ULK4: variants seen among roughly 807,000 people sequenced by gnomAD.
ULK4 encodes the protein inactive serine/threonine-protein kinase ULK4.
Under a neutral mutation model 160.6 loss-of-function variants are expected in ULK4, and 133 were observed. The ratio of observed to expected loss-of-function variants is 0.83; its 90% CI spans 0.72 to 0.96. The LOEUF is 0.96. Among genes scored for constraint, ULK4 ranks in the 40% least tolerant of loss-of-function variants. The pLI, the probability that ULK4 is intolerant of heterozygous loss-of-function variation, is 0.00. For missense variants in ULK4, 1,580 were observed against 1,499.5 expected, an observed-to-expected ratio of 1.05 and a Z score of -0.89; for synonymous variants, 534 against 539.8, an observed-to-expected ratio of 0.99 and a Z score of 0.15.
intron 23 of ULK4, 104 bp from the exon 24 acceptor site, chr3:41,715,672 C>G: frequency 7.0e-7 from 1 of 1,435,086 alleles, no homozygotes; most frequent in Non-Finnish European, 9.4e-7. Context: ...GGTAATTAAT[C>G]TCCAAATAAA....
intron 32 of ULK4, among the ~76,000 whole-genome samples, chr3:41,539,591 A>G (rs1490717202): frequency 6.6e-6 from 1 of 152,168 alleles, no homozygotes; most frequent in Non-Finnish European, 1.5e-5. Flanking sequence ...AGACTATAGG[A>G]AAAAAATTAA....
chr3:41,650,986 T>A lies in ULK4; in HGVS notation c.3071+12621A>T, dbSNP rs1023583726. Among the ~76,000 whole-genome samples the A allele has an allele frequency of 5.3e-5, 8 of 152,296 alleles. No homozygotes were observed. In the South Asian group the frequency reaches 1.7e-3, roughly 32 times the overall value. ...CCCCATATCTCCTTCTAGCTCTCTCTTTTTCAGCTCTCCCCTTTGCAGCAG... is the reference window on the plus strand; with the variant it reads ...CCCCATATCTCCTTCTAGCTCTCTCATTTTCAGCTCTCCCCTTTGCAGCAG... On this transcript the variant is annotated intron_variant, in intron 30 of 36. Transcript: ENST00000301831.
intron 30 of ULK4, among the ~76,000 whole-genome samples, chr3:41,633,226 C>A (rs1299291740): frequency 6.6e-6 from 1 of 152,200 alleles, no homozygotes; most frequent in Non-Finnish European, 1.5e-5. Context: ...GCCAACTCTG[C>A]CAGCCACCTA....
chr3:41,328,084 A>ATC (rs2080370838), intron 35 of ULK4, among the ~76,000 whole-genome samples: 1 of 152,204 alleles, frequency 6.6e-6, no homozygotes, highest in Non-Finnish European at 1.5e-5. Context: ...ATGCAAAATG[A>ATC]TCTGAAGAGT....
At chr3:41,366,612 CACAT>C (rs2081259607) in intron 35 of ULK4, among the ~76,000 whole-genome samples, 1 of 152,018 alleles carries the variant, frequency 6.6e-6, no homozygotes, top group South Asian at 2.1e-4. Context: ...TACACACACA[CACAT>C]ACACTTATTG....
At chr3:41,949,260 G>T (rs1700209472) in intron 2 of ULK4, among the ~76,000 whole-genome samples, 1 of 151,774 alleles carries the variant, frequency 6.6e-6, no homozygotes. Flanking sequence ...AGTGTGCCAA[G>T]ATCACACCAC....
At chr3:41,703,318 T>C (rs189258003) in intron 27 of ULK4, among the ~76,000 whole-genome samples, 44 of 152,148 alleles carry the variant, frequency 2.9e-4, no homozygotes, top group Non-Finnish European at 5.3e-4. Context: ...AATTTCAACA[T>C]ATTAAAATCA....
intron 32 of ULK4, among the ~76,000 whole-genome samples, chr3:41,505,059 A>G (rs1197502575): frequency 1.3e-5 from 2 of 152,166 alleles, no homozygotes; most frequent in African/African-American, 4.8e-5. Context: ...GGTGTCAAAT[A>G]ATCCAAACTG....
chr3:41,525,113 G>C (rs1047068587), intron 32 of ULK4, among the ~76,000 whole-genome samples: 3 of 152,148 alleles, frequency 2.0e-5, no homozygotes, highest in African/African-American at 7.2e-5. Flanking sequence ...ATTATCTGCT[G>C]TGATCCAGTC....
chr3:41,796,669 GT>G (rs975410143), intron 20 of ULK4, among the ~76,000 whole-genome samples: 1 of 151,970 alleles, frequency 6.6e-6, no homozygotes. Flanking sequence ...AATTCATGAG[GT>G]TTTTTCAAAA....
intron 32 of ULK4, among the ~76,000 whole-genome samples, chr3:41,552,769 A>G (rs2087122594): frequency 6.6e-6 from 1 of 152,092 alleles, no homozygotes; most frequent in South Asian, 2.1e-4. Context: ...GGAACCCAAA[A>G]AGAGCCCAAA....
chr3:41,358,861 G>T (rs540388401), intron 35 of ULK4, among the ~76,000 whole-genome samples: 1 of 152,160 alleles, frequency 6.6e-6, no homozygotes, highest in Non-Finnish European at 1.5e-5. Context: ...GAACTGGGGT[G>T]GGGGTGAGGG....
At chr3:41,530,158 TAAAC>T (rs1232633477) in intron 32 of ULK4, among the ~76,000 whole-genome samples, 2 of 152,198 alleles carry the variant, frequency 1.3e-5, no homozygotes, top group Non-Finnish European at 2.9e-5. Context: ...AACTATACGT[TAAAC>T]AAATGAAATT....
At chr3:41,480,300 T>C (rs990893604) in intron 32 of ULK4, among the ~76,000 whole-genome samples, 5 of 152,004 alleles carry the variant, frequency 3.3e-5, no homozygotes, top group Non-Finnish European at 7.4e-5. Context: ...AAGTTTGCTA[T>C]AGATTCTAAG....
At chr3:41,764,037 G>A (rs577075419) in intron 21 of ULK4, among the ~76,000 whole-genome samples, 15 of 152,244 alleles carry the variant, frequency 9.9e-5, no homozygotes, top group East Asian at 5.8e-4. Flanking sequence ...TCTAATCCAT[G>A]AGGAGTTTTC....
chr3:41,260,638 T>A (rs1301842066), intron 35 of ULK4, among the ~76,000 whole-genome samples: 1 of 152,164 alleles, frequency 6.6e-6, no homozygotes, highest in East Asian at 1.9e-4. Context: ...CATCAGTGCA[T>A]CTGCTGATCA....
chr3:41,764,631 T>C (rs868738771), intron 21 of ULK4, among the ~76,000 whole-genome samples: 5 of 152,190 alleles, frequency 3.3e-5, no homozygotes, highest in East Asian at 1.9e-4. Context: ...CAGATTTTTA[T>C]TGAGTGATAA....
chr3:41,673,709 A>G (rs1363505245), intron 29 of ULK4, among the ~76,000 whole-genome samples: 1 of 151,102 alleles, frequency 6.6e-6, no homozygotes, highest in Non-Finnish European at 1.5e-5. Flanking sequence ...TATATATATA[A>G]CTAAAATATA....
chr3:41,745,034 T>C (rs532568474), intron 22 of ULK4, among the ~76,000 whole-genome samples: 1 of 151,394 alleles, frequency 6.6e-6, no homozygotes, highest in Non-Finnish European at 1.5e-5. Flanking sequence ...TTTTAAAAAA[T>C]CCAAATCTAT....
Sources: allele counts gnomAD v4.1 joint callset (sites outside exome capture counted in the v4.1 genomes callset), GRCh38; gene constraint gnomAD v4.1.1; transcripts MANE v1.5; gene names NCBI Gene and HGNC (gene_info 2026-07-23, HGNC 2026-07-21).